Variants in CELA2A observed in about 807,000 individuals in gnomAD.
CELA2A encodes the protein chymotrypsin-like elastase family member 2A.
Under a neutral mutation model 35.3 loss-of-function variants are expected in CELA2A, and 31 were observed. The observed-to-expected ratio is 0.88, with a 90% CI of 0.66 to 1.19. The LOEUF is 1.19. CELA2A is among the 50% of genes most tolerant of loss of function. The pLI is 0.00. For synonymous variants in CELA2A, 150 were observed against 149.8 expected (o/e 1.00, Z -0.01); for missense variants, 330 against 352.9 (o/e 0.94, Z 0.52).
rs139674209 is a variant in CELA2A, at chr1:15,464,038, C to T, written c.493+516C>T. ...CTGCACTCCAGCCTGGGGGACAGAGCGAGACTCCGCCTCAAAAACAAAAGG... is the reference window on the plus strand; with the variant it reads ...CTGCACTCCAGCCTGGGGGACAGAGTGAGACTCCGCCTCAAAAACAAAAGG... On this transcript the variant is annotated intron_variant, in intron 5 of 7. Coordinates refer to ENST00000359621, the MANE Select transcript of CELA2A (RefSeq NM_033440.3). Among the ~76,000 whole-genome samples the T allele has an allele frequency of 7.2e-4, 109 of 152,132 alleles. 1 individual carries two copies. Among genetic ancestry groups the T allele is most frequent in the African/African-American group, 2.5e-3 (102 of 41,494 alleles).
At position 15,472,024 on chromosome 1, in the gene CELA2A, G is replaced by A; in HGVS notation, c.*17G>A. 1 of 1,613,868 alleles carries A rather than the reference G, an allele frequency of 6.2e-7. No individual in the cohort carries two copies. The highest frequency in any genetic ancestry group is 8.5e-7 in the Non-Finnish European group (1 of 1,179,942). On this transcript the variant is annotated 3_prime_UTR_variant, in exon 8 of 8. Coordinates refer to ENST00000359621, the MANE Select transcript of CELA2A (RefSeq NM_033440.3). ...AATAACTAACCAAAAGAAGTCCCTGGGACTGTTTCAGACTTGGAAAGGTCA... is the reference window on the plus strand; with the variant it reads ...AATAACTAACCAAAAGAAGTCCCTGAGACTGTTTCAGACTTGGAAAGGTCA...
At chr1:15,463,081 T>G (rs1708462102) in intron 4 of CELA2A, 1 of 768,444 alleles carries the variant, frequency 1.3e-6, no homozygotes, top group Admixed American at 2.9e-5. Context: ...CGACCTGGGT[T>G]TGCTGCCAGT....
At chr1:15,462,697 G>A (rs1345431340) in intron 3 of CELA2A, 36 bp from the exon 4 acceptor site, 1 of 1,612,500 alleles carries the variant, frequency 6.2e-7, no homozygotes, top group Non-Finnish European at 8.5e-7. Flanking sequence ...CCAGGCCTCT[G>A]GAGGTGACCC....
Position 15,457,130 on chromosome 1 carries a change from G to A in CELA2A, c.85G>A (p.Val29Met), listed in dbSNP as rs369322739. The change falls in exon 2 of 8, where the codon GTG (valine) becomes ATG (methionine). Residue 29 changes from valine (V) to methionine (M), a missense_variant. Transcript: ENST00000359621. ...CACTTACCCACCTTATGTGACTAGG[G>A]TGGTTGGCGGTGAAGAAGCGAGGCC... ...DPTYPPYVTR[V>M]VGGEEARPNS... 6 of 1,614,028 alleles carry A rather than the reference G, an allele frequency of 3.7e-6. No individual in the cohort carries two copies. The highest frequency in any genetic ancestry group is 5.1e-6 in the Non-Finnish European group (6 of 1,180,050).
rs774632258 is a variant in CELA2A, at chr1:15,461,671, C to T, written c.227+13C>T. 16 of 1,613,978 alleles carry T rather than the reference C, an allele frequency of 9.9e-6. No individual in the cohort carries two copies. Among genetic ancestry groups the T allele is most frequent in the Non-Finnish European group, 1.4e-5 (16 of 1,179,996 alleles). On this transcript the variant is annotated intron_variant, in intron 3 of 7. Transcript: ENST00000359621. ...CCCACTGCATCAGGTAACTGCCTTT[C>T]CCTGGGCGCTTGGCCTGCTCACCAG...
At chr1:15,458,532 C>CT (rs1289334586) in intron 2 of CELA2A, among the ~76,000 whole-genome samples, 4 of 152,172 alleles carry the variant, frequency 2.6e-5, no homozygotes, top group Non-Finnish European at 5.9e-5. Context: ...TAGCAGCCCA[C>CT]TAGCCTTGAG....
chr1:15,471,936 C>T (rs1292522095), intron 7 of CELA2A, 54 bp from the exon 8 acceptor site: 70 of 1,611,696 alleles, frequency 4.3e-5, no homozygotes, highest in Non-Finnish European at 5.6e-5. Context: ...AGGAAACTGC[C>T]ATGCACAGCT....
chr1:15,458,115 A>G (rs561514091), intron 2 of CELA2A, among the ~76,000 whole-genome samples: 2 of 152,314 alleles, frequency 1.3e-5, no homozygotes, highest in South Asian at 4.1e-4. Flanking sequence ...TAAATCATAT[A>G]TATATAGTAA....
chr1:15,462,038 T>C, intron 3 of CELA2A: 1 of 489,400 alleles, frequency 2.0e-6, no homozygotes, highest in Non-Finnish European at 4.2e-6. Context: ...TAGTGTGAAT[T>C]CAATGAGTTG....
At position 15,463,398 on chromosome 1, in the gene CELA2A, C is replaced by T. The variant is rs373749183; in HGVS notation, c.369C>T (p.Ala123=). The T allele has an allele frequency of 3.2e-5, 51 of 1,613,642 alleles. No individual in the cohort carries two copies. Among genetic ancestry groups the T allele is most frequent in the Non-Finnish European group, 3.9e-5 (46 of 1,179,872 alleles). The stretch of plus-strand genomic sequence containing the variant: ...CACACTCACCCAGGAACGACATTGC[C>T]CTGCTCAAACTGGCTAACCCCGTCT... The part of the protein sequence containing the change: ...SNQISKGNDI[A]LLKLANPVSL... Residue 123 remains alanine, a synonymous_variant, in exon 5 of 8, where the codon GCC becomes GCT. Transcript: ENST00000359621.
intron 7 of CELA2A, among the ~76,000 whole-genome samples, chr1:15,468,735 G>A (rs1052289449): frequency 3.9e-5 from 6 of 152,144 alleles, no homozygotes; most frequent in East Asian, 1.9e-4. Flanking sequence ...ACTTGGGCCC[G>A]GGAGGCCAAC....
chr1:15,470,145 G>A (rs1708572082), intron 7 of CELA2A, among the ~76,000 whole-genome samples: 1 of 152,154 alleles, frequency 6.6e-6, no homozygotes, highest in Admixed American at 6.5e-5. Flanking sequence ...AGAAGGGGGA[G>A]AGCCAAGCAA....
chr1:15,464,112 A>T (rs114090694), intron 5 of CELA2A, among the ~76,000 whole-genome samples: 426 of 152,298 alleles, frequency 2.8e-3, no homozygotes, highest in African/African-American at 9.1e-3. Context: ...ATTAAAGGAG[A>T]TAATCCATAG....
At position 15,472,008 on chromosome 1, in the gene CELA2A, C is replaced by T. The variant is rs780044997; in HGVS notation, c.*1C>T. The T allele has an allele frequency of 2.5e-6, 4 of 1,613,956 alleles. No individual in the cohort carries two copies. The South Asian group carries it at 3.3e-5, about 13-fold the overall frequency. ...CCTGCAGGTGATTGCAAATAACTAA[C>T]CAAAAGAAGTCCCTGGGACTGTTTC... On this transcript the variant is annotated 3_prime_UTR_variant, in exon 8 of 8. Coordinates refer to ENST00000359621, the MANE Select transcript of CELA2A (RefSeq NM_033440.3).
In CELA2A at chr1:15,456,810, A is replaced by C; in HGVS notation, c.40+17A>C. 6.2e-7 allele frequency: 1 copy of C among 1,614,142 alleles called. No homozygotes were observed. Among genetic ancestry groups the C allele is most frequent in the South Asian group, 1.1e-5 (1 of 91,088 alleles). On this transcript the variant is annotated intron_variant, in intron 1 of 7. Coordinates refer to ENST00000359621, the MANE Select transcript of CELA2A (RefSeq NM_033440.3). ...TGGCTGGAGGTAAGTCCTGTTACCC[A>C]GAGGCACTGGTTTCCCATGCCCTGG...
In CELA2A at chr1:15,471,569, A is replaced by C. The variant is rs560175413; in HGVS notation, c.793-421A>C. Among the ~76,000 whole-genome samples the C allele has an allele frequency of 5.1e-4, 75 of 146,304 alleles. 1 individual carries two copies. Among genetic ancestry groups the C allele is most frequent in the African/African-American group, 1.8e-3 (74 of 40,096 alleles). The stretch of plus-strand genomic sequence containing the variant: ...TCAAAAAGAAAACAAACAAACAAAT[A>C]AAAAAAAAAACGTTTAACAGACACT... On this transcript the variant is annotated intron_variant, in intron 7 of 7. Coordinates refer to ENST00000359621, the MANE Select transcript of CELA2A (RefSeq NM_033440.3).
intron 6 of CELA2A, 76 bp downstream of exon 6, chr1:15,466,220 A>G: frequency 4.0e-6 from 6 of 1,514,312 alleles, no homozygotes; most frequent in Non-Finnish European, 5.4e-6. Context: ...CCATCCCTCC[A>G]TAGGTCCATC....
At chr1:15,459,519 C>T (rs1708405582) in intron 2 of CELA2A, among the ~76,000 whole-genome samples, 1 of 152,138 alleles carries the variant, frequency 6.6e-6, no homozygotes, top group Non-Finnish European at 1.5e-5. Flanking sequence ...GCTTTTCTCA[C>T]AGTCCCACAG....
At chr1:15,470,022 C>T (rs1708569353) in intron 7 of CELA2A, among the ~76,000 whole-genome samples, 1 of 152,186 alleles carries the variant, frequency 6.6e-6, no homozygotes, top group Non-Finnish European at 1.5e-5. Context: ...CGAAGCATGG[C>T]CAGATGGCAG....
Sources: allele counts gnomAD v4.1 joint callset (sites outside exome capture counted in the v4.1 genomes callset), GRCh38; gene constraint gnomAD v4.1.1; transcripts MANE v1.5; gene names NCBI Gene and HGNC (gene_info 2026-07-23, HGNC 2026-07-21).